The following MARCHF3 variants were observed in gnomAD, a reference collection of about 807,000 sequenced individuals.
The protein encoded by MARCHF3 is membrane associated ring-CH-type finger 3, also known as E3 ubiquitin-protein ligase MARCHF3.
Under a neutral mutation model 24.2 loss-of-function variants are expected in MARCHF3, and 13 were observed. That is an observed-to-expected ratio of 0.54 (90% CI 0.35 to 0.85). MARCHF3 has a LOEUF of 0.85. MARCHF3 is among the 40% of genes least tolerant of loss of function. The probability of loss-of-function intolerance (pLI) is 0.01; values close to 1 mark genes in which losing one functional copy is unlikely to be tolerated. For missense variants in MARCHF3, 276 were observed against 325.0 expected, an observed-to-expected ratio of 0.85 and a Z score of 1.16; for synonymous variants, 144 against 137.3, an observed-to-expected ratio of 1.05 and a Z score of -0.34.
At chr5:126,924,381 A>C (rs543530098) in intron 1 of MARCHF3, among the ~76,000 whole-genome samples, 21 of 152,336 alleles carry the variant, frequency 1.4e-4, no homozygotes, top group Admixed American at 4.6e-4. Context: ...ATGAATGGAC[A>C]ATACAAGGCG....
intron 1 of MARCHF3, among the ~76,000 whole-genome samples, chr5:126,921,462 T>G (rs1222149075): frequency 6.6e-6 from 1 of 151,906 alleles, no homozygotes; most frequent in East Asian, 1.9e-4. Flanking sequence ...GGCATGCATA[T>G]GTTGCACCTG....
chr5:126,916,684 G>GACACACACACACACACACAC (rs1409013068), intron 2 of MARCHF3, among the ~76,000 whole-genome samples: 40 of 93,488 alleles, frequency 4.3e-4, no homozygotes, highest in Admixed American at 1.7e-3. Context: ...CTGACAGACA[G>GACACACACACACACACACAC]ACAGACAGAC....
intron 3 of MARCHF3, among the ~76,000 whole-genome samples, chr5:126,879,984 G>A (rs1753292456): frequency 6.6e-6 from 1 of 152,046 alleles, no homozygotes; most frequent in Non-Finnish European, 1.5e-5. Flanking sequence ...CCAGGGCAGC[G>A]AATCCTACAA....
At chr5:126,987,175 G>A (rs1164571597) in intron 1 of MARCHF3, among the ~76,000 whole-genome samples, 1 of 152,184 alleles carries the variant, frequency 6.6e-6, no homozygotes, top group African/African-American at 2.4e-5. Flanking sequence ...TCTGCCTCAA[G>A]ATTGTAACAT....
Position 126,870,353 on chromosome 5 carries a change from T to G in MARCHF3, c.*280A>C. ...GTAGCAGGACAACCTTCCTCATACG[T>G]TAAAGAGGTGTTCAGAAAATTCCAT... On this transcript the variant is annotated 3_prime_UTR_variant, in exon 5 of 5. Transcript: ENST00000308660. 1 of 282,206 alleles carries G rather than the reference T, an allele frequency of 3.5e-6. No individual in the cohort carries two copies. Among genetic ancestry groups the G allele is most frequent in the Non-Finnish European group, 6.8e-6 (1 of 147,908 alleles). 17.5% of individuals were successfully genotyped at this position (282,206 alleles called of 1,614,324 possible).
intron 1 of MARCHF3, among the ~76,000 whole-genome samples, chr5:127,020,534 G>C (rs1482324429): frequency 6.6e-6 from 1 of 152,176 alleles, no homozygotes; most frequent in Non-Finnish European, 1.5e-5. Flanking sequence ...GAGCCCTCCT[G>C]AATGGGATTA....
At chr5:126,881,292 T>C (rs1034719308) in intron 3 of MARCHF3, among the ~76,000 whole-genome samples, 4 of 152,182 alleles carry the variant, frequency 2.6e-5, no homozygotes, top group Non-Finnish European at 5.9e-5. Flanking sequence ...TGTTAAATTG[T>C]GTATCTTCTG....
chr5:126,913,128 T>C (rs556329023), intron 3 of MARCHF3, among the ~76,000 whole-genome samples: 12 of 152,356 alleles, frequency 7.9e-5, no homozygotes, highest in Non-Finnish European at 1.6e-4. Flanking sequence ...CACTGGGTGA[T>C]TTGCCACATG....
chr5:126,997,548 C>T (rs1028234251), intron 1 of MARCHF3, among the ~76,000 whole-genome samples: 9 of 152,166 alleles, frequency 5.9e-5, no homozygotes, highest in East Asian at 1.9e-4. Flanking sequence ...CATAGGCTTT[C>T]GATCTCTCCC....
chr5:126,916,074 G>A (rs1489774681), intron 2 of MARCHF3, among the ~76,000 whole-genome samples: 2 of 152,194 alleles, frequency 1.3e-5, no homozygotes, highest in South Asian at 2.1e-4. Flanking sequence ...CCTAGTTAAT[G>A]CTAGCTACTA....
chr5:126,950,633 A>G (rs1750198823), intron 1 of MARCHF3, among the ~76,000 whole-genome samples: 1 of 151,850 alleles, frequency 6.6e-6, no homozygotes, highest in Non-Finnish European at 1.5e-5. Flanking sequence ...ACACTTATCC[A>G]CTCTAAGGAT....
At chr5:127,017,797 TCAAA>T (rs147408839) in intron 1 of MARCHF3, among the ~76,000 whole-genome samples, 2 of 152,346 alleles carry the variant, frequency 1.3e-5, no homozygotes, top group African/African-American at 4.8e-5. Context: ...TTTTTCATCC[TCAAA>T]CAAAATGAAT....
chr5:127,016,247 C>T (rs1241694883), intron 1 of MARCHF3, among the ~76,000 whole-genome samples: 1 of 152,066 alleles, frequency 6.6e-6, no homozygotes, highest in East Asian at 1.9e-4. Context: ...CAAGGGTGAA[C>T]TACTGTTATG....
At chr5:126,997,886 G>A (rs747149434) in intron 1 of MARCHF3, among the ~76,000 whole-genome samples, 16 of 152,174 alleles carry the variant, frequency 1.1e-4, no homozygotes, top group Admixed American at 6.5e-4. Flanking sequence ...ATAGCCGGTT[G>A]TTTTGGAGAA....
chr5:127,012,212 T>A (rs1752495676), intron 1 of MARCHF3, among the ~76,000 whole-genome samples: 1 of 152,238 alleles, frequency 6.6e-6, no homozygotes, highest in African/African-American at 2.4e-5. Context: ...AATGTAGCCA[T>A]GAAATGTTTC....
At chr5:126,943,934 C>T (rs1749920733) in intron 1 of MARCHF3, among the ~76,000 whole-genome samples, 1 of 152,026 alleles carries the variant, frequency 6.6e-6, no homozygotes, top group Non-Finnish European at 1.5e-5. Context: ...CCTCAGCCTC[C>T]CAAGTAGCTG....
intron 1 of MARCHF3, among the ~76,000 whole-genome samples, chr5:126,960,878 T>G (rs1463660984): frequency 6.6e-6 from 1 of 152,160 alleles, no homozygotes; most frequent in Non-Finnish European, 1.5e-5. Flanking sequence ...AAACTCTGAT[T>G]GTTCATATAC....
At chr5:127,007,478 G>T (rs1752346104) in intron 1 of MARCHF3, among the ~76,000 whole-genome samples, 1 of 151,862 alleles carries the variant, frequency 6.6e-6, no homozygotes, top group Non-Finnish European at 1.5e-5. Context: ...TCTAATGGTG[G>T]TATCTTCATA....
intron 1 of MARCHF3, among the ~76,000 whole-genome samples, chr5:126,934,835 C>T (rs2126805907): frequency 6.6e-6 from 1 of 152,262 alleles, no homozygotes; most frequent in Admixed American, 6.5e-5. Context: ...ATCTCAGGCT[C>T]AAAAATCTTC....
Sources: allele counts gnomAD v4.1 joint callset (sites outside exome capture counted in the v4.1 genomes callset), GRCh38; gene constraint gnomAD v4.1.1; transcripts MANE v1.5; gene names NCBI Gene and HGNC (gene_info 2026-07-23, HGNC 2026-07-21).